NLGN4Y: variants seen among roughly 807,000 people sequenced by gnomAD.
The protein encoded by NLGN4Y is neuroligin 4 Y-linked.
NLGN4Y carries 4 observed loss-of-function variants against 8.4 expected under a neutral mutation model. That is an observed-to-expected ratio of 0.48 (90% CI 0.23 to 1.09). The LOEUF is 1.09. Ranked by LOEUF, NLGN4Y falls within the 50% of genes least tolerant of loss-of-function variation. The pLI is 0.19. For missense variants in NLGN4Y, 90 were observed against 192.3 expected, an observed-to-expected ratio of 0.47 and a Z score of 3.15; for synonymous variants, 35 against 75.6, an observed-to-expected ratio of 0.46 and a Z score of 2.78.
chrY:14,714,434 G>A (rs892235354), intron 2 of NLGN4Y, among the ~76,000 whole-genome samples: 3 of 32,996 alleles, frequency 9.1e-5, no homozygotes, highest in Admixed American at 2.8e-4. Context: ...TTGGGATTTG[G>A]CAAGTAATTT....
intron 2 of NLGN4Y, among the ~76,000 whole-genome samples, chrY:14,684,473 G>A (rs930481727): frequency 3.0e-5 from 1 of 32,995 alleles, no homozygotes; most frequent in Non-Finnish European, 7.5e-5. Flanking sequence ...CACGGTGGAA[G>A]GTGAAGAGGA....
intron 2 of NLGN4Y, among the ~76,000 whole-genome samples, chrY:14,695,110 TC>T (rs2080823150): frequency 8.9e-5 from 3 of 33,839 alleles, no homozygotes; most frequent in African/African-American, 3.5e-4. Context: ...AAGGAAAGTT[TC>T]TTTTACACAC....
chrY:14,836,857 T>G, intron 6 of NLGN4Y, among the ~76,000 whole-genome samples: 2 of 33,539 alleles, frequency 6.0e-5, no homozygotes, highest in Non-Finnish European at 1.5e-4. Flanking sequence ...TTATAATATG[T>G]AATAGAAGAA....
intron 4 of NLGN4Y, among the ~76,000 whole-genome samples, chrY:14,788,592 A>G: frequency 3.0e-5 from 1 of 32,985 alleles, no homozygotes; most frequent in South Asian, 6.9e-4. Flanking sequence ...CCCTTGTCAT[A>G]TGGCTTGTCT....
intron 4 of NLGN4Y, among the ~76,000 whole-genome samples, chrY:14,729,215 G>A: frequency 1.5e-4 from 5 of 33,415 alleles, no homozygotes; most frequent in African/African-American, 5.8e-4. Flanking sequence ...AGTCAGTACC[G>A]CATACTGGTT....
chrY:14,822,836 G>A (rs760082942), intron 4 of NLGN4Y, among the ~76,000 whole-genome samples: 17 of 33,599 alleles, frequency 5.1e-4, no homozygotes, highest in African/African-American at 1.8e-3. Flanking sequence ...GGGGGCTTGC[G>A]TAATGTCTGA....
In NLGN4Y at chrY:14,715,295, G is replaced by T. The variant is rs760008786; in HGVS notation, c.473-4164G>T. ...TGGGTATTTACCCAAGTCTCTTTGG[G>T]TATATACTCAAATGATTATAAATTA... On this transcript the variant is annotated intron_variant, in intron 2 of 6. Transcript: ENST00000684976. Among the ~76,000 whole-genome samples, 11 of 33,000 alleles carry T rather than the reference G, an allele frequency of 3.3e-4. No individual in the cohort carries two copies. The East Asian group carries it at 8.0e-3, about 24-fold the overall frequency. 88.5% of individuals were successfully genotyped at this position (33,000 alleles called of 37,273 possible). A position where few individuals can be genotyped will look rare whatever the true frequency, so the allele number is the denominator to read the frequency against.
chrY:14,713,822 T>C (rs769321728), intron 2 of NLGN4Y, among the ~76,000 whole-genome samples: 7 of 34,026 alleles, frequency 2.1e-4, no homozygotes, highest in Non-Finnish European at 5.1e-4. Context: ...GAAAATAACA[T>C]AGATAAAGCA....
intron 2 of NLGN4Y, among the ~76,000 whole-genome samples, chrY:14,661,591 A>T: frequency 3.0e-5 from 1 of 33,226 alleles, no homozygotes; most frequent in Non-Finnish European, 7.4e-5. Flanking sequence ...CCCTTATGAT[A>T]TATGTCCCCA....
At chrY:14,773,651 C>T in intron 4 of NLGN4Y, among the ~76,000 whole-genome samples, 1 of 32,880 alleles carries the variant, frequency 3.0e-5, no homozygotes. Flanking sequence ...CAGGCATCAC[C>T]TTACCTGACT....
At chrY:14,818,607 CT>C (rs2043110986) in intron 4 of NLGN4Y, among the ~76,000 whole-genome samples, 1 of 33,284 alleles carries the variant, frequency 3.0e-5, no homozygotes, top group Non-Finnish European at 7.4e-5. Flanking sequence ...TCCTGAGAAC[CT>C]TTGTCCTCTG....
At chrY:14,634,569 ACAGT>A in intron 2 of NLGN4Y, among the ~76,000 whole-genome samples, 1 of 33,624 alleles carries the variant, frequency 3.0e-5, no homozygotes, top group East Asian at 8.0e-4. Context: ...CCTGGGTGAC[ACAGT>A]AAGACCCTGT....
intron 1 of NLGN4Y, among the ~76,000 whole-genome samples, chrY:14,607,335 A>T (rs2080450265): frequency 3.2e-5 from 1 of 31,470 alleles, no homozygotes; most frequent in Non-Finnish European, 7.8e-5. Flanking sequence ...AGCCTTTAAA[A>T]CCTTTAAGCA....
intron 4 of NLGN4Y, among the ~76,000 whole-genome samples, chrY:14,768,248 A>G: frequency 8.9e-5 from 3 of 33,848 alleles, no homozygotes; most frequent in Non-Finnish European, 1.5e-4. Flanking sequence ...AGATTGCAAC[A>G]TTGACTTTAT....
chrY:14,568,597 G>A, intron 1 of NLGN4Y, among the ~76,000 whole-genome samples: 1 of 33,104 alleles, frequency 3.0e-5, no homozygotes, highest in South Asian at 6.8e-4. Flanking sequence ...CGATATGTGG[G>A]AGGAAAGAAT....
chrY:14,752,523 C>T, intron 4 of NLGN4Y, among the ~76,000 whole-genome samples: 2 of 33,319 alleles, frequency 6.0e-5, no homozygotes, highest in African/African-American at 1.2e-4. Context: ...AATTGTACAT[C>T]CTTATACACA....
At chrY:14,649,108 A>G in intron 2 of NLGN4Y, among the ~76,000 whole-genome samples, 1 of 33,278 alleles carries the variant, frequency 3.0e-5, no homozygotes, top group Non-Finnish European at 7.4e-5. Context: ...TTAACTATTA[A>G]AAAAGAGTCA....
chrY:14,575,381 C>T (rs932515272), intron 1 of NLGN4Y, among the ~76,000 whole-genome samples: 6 of 33,740 alleles, frequency 1.8e-4, no homozygotes, highest in Admixed American at 1.6e-3. Context: ...TTGATCACAT[C>T]GGCTACTGAG....
chrY:14,834,301 C>T, intron 6 of NLGN4Y, among the ~76,000 whole-genome samples: 1 of 33,284 alleles, frequency 3.0e-5, no homozygotes, highest in Non-Finnish European at 7.4e-5. Context: ...TTTGTGAAGG[C>T]CCTGACATCA....
Sources: gnomAD v4.1 joint callset for allele counts (sites outside exome capture counted in the v4.1 genomes callset) on GRCh38, gnomAD v4.1.1 for gene constraint, MANE v1.5 for transcripts, NCBI Gene and HGNC (gene_info 2026-07-23, HGNC 2026-07-21) for gene names.